ADCY2: variants seen among roughly 807,000 people sequenced by gnomAD.
The protein encoded by ADCY2 is adenylate cyclase type 2.
A neutral mutation model predicts 125.2 loss-of-function variants in ADCY2; 31 were observed. That is an observed-to-expected ratio of 0.25 (90% CI 0.19 to 0.33). The LOEUF (loss-of-function observed/expected upper bound fraction) is 0.33, where lower values mean the gene tolerates loss of function less well. ADCY2 is among the 10% of genes least tolerant of loss of function. The pLI is 1.00. For missense variants in ADCY2, 904 were observed against 1,418.2 expected (o/e 0.64, Z 5.82); for synonymous variants, 512 against 548.4 (o/e 0.93, Z 0.93).
intron 3 of ADCY2, among the ~76,000 whole-genome samples, chr5:7,600,391 G>A (rs967780124): frequency 3.3e-5 from 5 of 152,220 alleles, no homozygotes; most frequent in Non-Finnish European, 7.3e-5. Context: ...GGCTACAAAT[G>A]TAATTGGAGC....
chr5:7,510,404 A>G (rs1427026409), intron 2 of ADCY2, among the ~76,000 whole-genome samples: 1 of 152,220 alleles, frequency 6.6e-6, no homozygotes, highest in Non-Finnish European at 1.5e-5. Flanking sequence ...CTCTGATCAC[A>G]GGACTCACTG....
chr5:7,732,274 T>A (rs1028555193), intron 14 of ADCY2, among the ~76,000 whole-genome samples: 2 of 152,258 alleles, frequency 1.3e-5, no homozygotes, highest in Non-Finnish European at 2.9e-5. Context: ...CCCAGTCAGA[T>A]GGTTATCTTC....
chr5:7,676,200 C>T (rs998981071), intron 4 of ADCY2, among the ~76,000 whole-genome samples: 1 of 152,166 alleles, frequency 6.6e-6, no homozygotes, highest in African/African-American at 2.4e-5. Context: ...GAGTTTTGAA[C>T]ATTTAAGGAT....
At chr5:7,635,052 A>C (rs961134282) in intron 4 of ADCY2, among the ~76,000 whole-genome samples, 3 of 152,164 alleles carry the variant, frequency 2.0e-5, no homozygotes, top group Admixed American at 2.0e-4. Flanking sequence ...CTGAGTCAGG[A>C]GCCAGGTGGC....
At position 7,709,160 on chromosome 5, in the gene ADCY2, A is replaced by G. The variant is rs113818354; in HGVS notation, c.1402-51A>G. On this transcript the variant is annotated intron_variant, in intron 9 of 24. Transcript: ENST00000338316. This position sits in a 1 kb window ranked among gnomAD's most constrained non-coding sequence, Gnocchi z 4.4. ...CAATGAGGTCGATGCCAAAAGGATC[A>G]TGTGTGGCCCTGTGCTGTGCCAGGT... 1.4e-4 allele frequency: 210 copies of G among 1,489,368 alleles called. 1 individual carries two copies. In the Middle Eastern group the frequency reaches 4.2e-3, roughly 30 times the overall value. 92.3% of individuals were successfully genotyped at this position (1,489,368 alleles called of 1,614,324 possible).
intron 22 of ADCY2, among the ~76,000 whole-genome samples, chr5:7,807,484 G>A (rs1039353126): frequency 1.3e-5 from 2 of 152,120 alleles, no homozygotes; most frequent in East Asian, 1.9e-4. Context: ...GTGGATGGCC[G>A]TTGCCTTTGC....
chr5:7,660,253 AAGGAAG>A (rs1739479174), intron 4 of ADCY2, among the ~76,000 whole-genome samples: 1 of 138,268 alleles, frequency 7.2e-6, no homozygotes, highest in Non-Finnish European at 1.6e-5. Flanking sequence ...GGAAGGAAGG[AAGGAAG>A]GAAGGAAGGA....
chr5:7,779,821 G>A (rs773667315), intron 18 of ADCY2, among the ~76,000 whole-genome samples: 1 of 152,324 alleles, frequency 6.6e-6, no homozygotes, highest in South Asian at 2.1e-4. Flanking sequence ...AGCCAGAGAG[G>A]AGAGAATGCC....
At chr5:7,550,785 C>A (rs1735305179) in intron 3 of ADCY2, among the ~76,000 whole-genome samples, 1 of 152,124 alleles carries the variant, frequency 6.6e-6, no homozygotes, top group African/African-American at 2.4e-5. Context: ...TGTGCGGTTC[C>A]ACTCACACTC....
At chr5:7,510,960 C>T (rs921158096) in intron 2 of ADCY2, among the ~76,000 whole-genome samples, 2 of 152,178 alleles carry the variant, frequency 1.3e-5, no homozygotes, top group Non-Finnish European at 2.9e-5. Flanking sequence ...GGAATTAACA[C>T]GTGTGTGCAG....
In ADCY2 at chr5:7,396,193, C is replaced by A; in HGVS notation, c.-104C>A. The A allele has an allele frequency of 1.7e-6, 1 of 580,252 alleles. No individual in the cohort carries two copies. Among genetic ancestry groups the A allele is most frequent in the Non-Finnish European group, 2.2e-6 (1 of 464,162 alleles). 35.9% of individuals were successfully genotyped at this position (580,252 alleles called of 1,614,324 possible). On this transcript the variant is annotated 5_prime_UTR_variant, in exon 1 of 25. Coordinates refer to ENST00000338316, the MANE Select transcript of ADCY2 (RefSeq NM_020546.3). The surrounding 1 kb of genome is among the most constrained non-coding windows in gnomAD (Gnocchi z 5.7). Reference sequence around the variant, plus strand: ...CCCTGCGCGCAGCTCCGGGTGCCGGCAGCCGGGCCGGCCGAGGCGGCGCGG... The same window carrying A: ...CCCTGCGCGCAGCTCCGGGTGCCGGAAGCCGGGCCGGCCGAGGCGGCGCGG...
intron 4 of ADCY2, among the ~76,000 whole-genome samples, chr5:7,636,079 C>T (rs1738493129): frequency 6.6e-6 from 1 of 152,124 alleles, no homozygotes; most frequent in Non-Finnish European, 1.5e-5. Context: ...CTAGTTTATT[C>T]CTACCAAGGC....
chr5:7,684,501 AC>A (rs1365042512), intron 4 of ADCY2, among the ~76,000 whole-genome samples: 1 of 152,244 alleles, frequency 6.6e-6, no homozygotes, highest in Non-Finnish European at 1.5e-5. Flanking sequence ...GTCATCAGTG[AC>A]TGAAGGCATA....
At chr5:7,723,270 A>G (rs1741822046) in intron 12 of ADCY2, among the ~76,000 whole-genome samples, 1 of 152,200 alleles carries the variant, frequency 6.6e-6, no homozygotes, top group Non-Finnish European at 1.5e-5. Flanking sequence ...CTATGTGACA[A>G]TCCTGCACTA....
chr5:7,642,786 T>A (rs1206389616), intron 4 of ADCY2, among the ~76,000 whole-genome samples: 4 of 152,040 alleles, frequency 2.6e-5, no homozygotes, highest in Non-Finnish European at 4.4e-5. Flanking sequence ...GCAGGAGAAA[T>A]TGGGGGCCTC....
At chr5:7,699,888 T>C (rs1208511174) in intron 7 of ADCY2, among the ~76,000 whole-genome samples, 1 of 152,230 alleles carries the variant, frequency 6.6e-6, no homozygotes, top group Non-Finnish European at 1.5e-5. Context: ...TGACCCAGCC[T>C]AGTATTGTTA....
chr5:7,425,014 C>G (rs1338261175), intron 2 of ADCY2, among the ~76,000 whole-genome samples: 1 of 152,158 alleles, frequency 6.6e-6, no homozygotes, highest in African/African-American at 2.4e-5. Flanking sequence ...TCAATCCAGC[C>G]ACTCGCCAGC....
At position 7,802,312 on chromosome 5, in the gene ADCY2, A is replaced by C. The variant is rs752553946; in HGVS notation, c.2723A>C (p.Glu908Ala). 4 of 1,614,186 alleles carry C rather than the reference A, an allele frequency of 2.5e-6. No individual in the cohort carries two copies. Among genetic ancestry groups the C allele is most frequent in the Non-Finnish European group, 3.4e-6 (4 of 1,180,034 alleles). Reference protein sequence around the residue: ...EFYTESDVNKEGLECLRLLNE... With the variant: ...EFYTESDVNKAGLECLRLLNE... Reference sequence around the variant, plus strand: ...TATACAGAATCCGACGTGAACAAGGAGGGCTTGGAATGCCTTCGGCTCCTG... The same window carrying C: ...TATACAGAATCCGACGTGAACAAGGCGGGCTTGGAATGCCTTCGGCTCCTG... The change falls in exon 21 of 25, where the codon GAG becomes GCG. Residue 908 changes from glutamate (E) to alanine (A), a missense_variant. By Grantham distance (107) the Glu-to-Ala change is moderately radical. Coordinates refer to ENST00000338316, the MANE Select transcript of ADCY2 (RefSeq NM_020546.3). This position sits in a 1 kb window ranked among gnomAD's most constrained non-coding sequence, Gnocchi z 4.6.
intron 2 of ADCY2, among the ~76,000 whole-genome samples, chr5:7,476,041 C>T (rs903030379): frequency 6.6e-6 from 1 of 152,122 alleles, no homozygotes; most frequent in Non-Finnish European, 1.5e-5. Context: ...AGTAGACAGA[C>T]GGTGACAGCA....
Sources: allele counts gnomAD v4.1 joint callset (sites outside exome capture counted in the v4.1 genomes callset), GRCh38; gene constraint gnomAD v4.1.1; non-coding constraint Gnocchi (gnomAD v3.1); transcripts MANE v1.5; gene names NCBI Gene and HGNC (gene_info 2026-07-23, HGNC 2026-07-21).